The following PSD3 variants were observed in gnomAD, a reference collection of about 807,000 sequenced individuals.
PSD3 encodes the protein PH and SEC7 domain-containing protein 3.
PSD3 carries 49 observed loss-of-function variants against 105.5 expected under a neutral mutation model. That is an observed-to-expected ratio of 0.46 (90% CI 0.37 to 0.59). The LOEUF (loss-of-function observed/expected upper bound fraction) is 0.59, where lower values mean the gene tolerates loss of function less well. PSD3 is among the 20% of genes least tolerant of loss of function. The pLI, the probability that PSD3 is intolerant of heterozygous loss-of-function variation, is 0.00. For synonymous variants in PSD3, 557 were observed against 457.8 expected (o/e 1.22, Z -2.77); for missense variants, 1,561 against 1,263.8 (o/e 1.24, Z -3.57).
chr8:18,608,297 G>C (rs1345571890), intron 11 of PSD3, among the ~76,000 whole-genome samples: 3 of 152,200 alleles, frequency 2.0e-5, no homozygotes, highest in South Asian at 2.1e-4. Flanking sequence ...TCAGATTGAA[G>C]GGACATCCAC....
At chr8:18,622,132 T>C (rs973403365) in intron 11 of PSD3, among the ~76,000 whole-genome samples, 4 of 152,196 alleles carry the variant, frequency 2.6e-5, no homozygotes, top group African/African-American at 9.7e-5. Context: ...CCACACATAG[T>C]TCTCACCTCC....
At chr8:18,743,494 C>T (rs1026111601) in intron 9 of PSD3, among the ~76,000 whole-genome samples, 15 of 152,094 alleles carry the variant, frequency 9.9e-5, no homozygotes, top group Non-Finnish European at 1.8e-4. Flanking sequence ...GACAAACAGT[C>T]GTTCTCCTTG....
At chr8:18,968,879 CAAAA>C (rs10597134) in intron 1 of PSD3, among the ~76,000 whole-genome samples, 2 of 71,722 alleles carry the variant, frequency 2.8e-5, no homozygotes, top group Non-Finnish European at 2.5e-5. Context: ...AAAATGTCTC[CAAAA>C]AAAAAAAAAA....
Position 18,683,934 on chromosome 8 carries a change from T to G in PSD3, c.2173-28249A>C, listed in dbSNP as rs1800515768. The G allele has an allele frequency of 6.6e-6, 5 of 761,704 alleles. No homozygotes were observed. In the African/African-American group the frequency reaches 8.5e-5, roughly 13 times the overall value. The allele number at this position is 761,704 out of a possible 1,614,324, so 47.2% of individuals were successfully genotyped here. On this transcript the variant is annotated intron_variant, in intron 9 of 15. Transcript: ENST00000327040. ...CTGGACACTATTCACGCCAATCATT[T>G]TCGAAGGTCAACTAAGGAAGGGGTT...
chr8:18,722,219 G>A (rs1803030636), intron 9 of PSD3, among the ~76,000 whole-genome samples: 1 of 151,906 alleles, frequency 6.6e-6, no homozygotes, highest in Admixed American at 6.6e-5. Context: ...ATGTCAGTGG[G>A]ACTAAAATGT....
chr8:19,071,869 C>A (rs1482460206), intron 1 of PSD3, among the ~76,000 whole-genome samples: 2 of 151,976 alleles, frequency 1.3e-5, no homozygotes, highest in African/African-American at 4.8e-5. Context: ...GCCACCACAC[C>A]CGGCTAATTT....
intron 4 of PSD3, among the ~76,000 whole-genome samples, chr8:18,851,245 T>A (rs138494584): frequency 2.8e-4 from 43 of 152,288 alleles, no homozygotes; most frequent in African/African-American, 9.6e-4. Flanking sequence ...ACCAAGGAAG[T>A]CTTACCCAAA....
At chr8:18,798,093 C>G (rs1350416359) in intron 8 of PSD3, among the ~76,000 whole-genome samples, 2 of 152,176 alleles carry the variant, frequency 1.3e-5, no homozygotes, top group African/African-American at 2.4e-5. Flanking sequence ...CTTTAACAAG[C>G]TGGATGAACA....
At chr8:18,870,657 T>G (rs1047891329) in intron 3 of PSD3, among the ~76,000 whole-genome samples, 9 of 149,644 alleles carry the variant, frequency 6.0e-5, no homozygotes, top group African/African-American at 2.2e-4. Flanking sequence ...TCTGCACATG[T>G]ACCCCAGAAC....
chr8:19,021,563 A>C (rs1328657177), intron 1 of PSD3, among the ~76,000 whole-genome samples: 5 of 151,920 alleles, frequency 3.3e-5, no homozygotes, highest in African/African-American at 4.8e-5. Flanking sequence ...TGTTACAAAA[A>C]AAAAAAAAAC....
At chr8:18,679,451 C>T (rs566006780) in intron 9 of PSD3, among the ~76,000 whole-genome samples, 2 of 152,294 alleles carry the variant, frequency 1.3e-5, no homozygotes, top group Admixed American at 6.5e-5. Context: ...TCCTTTAACA[C>T]GTTTATGGTT....
At chr8:18,728,571 T>C (rs149543080) in intron 9 of PSD3, among the ~76,000 whole-genome samples, 3 of 152,198 alleles carry the variant, frequency 2.0e-5, no homozygotes, top group East Asian at 3.9e-4. Context: ...TGTTTGGGAA[T>C]TGAAGGAAGT....
At chr8:19,067,757 G>C (rs545349098) in intron 1 of PSD3, among the ~76,000 whole-genome samples, 1 of 152,180 alleles carries the variant, frequency 6.6e-6, no homozygotes, top group African/African-American at 2.4e-5. Context: ...CAGCAGTTGC[G>C]TCTGCATGAC....
chr8:18,842,602 A>C (rs1484956215), intron 4 of PSD3, among the ~76,000 whole-genome samples: 1 of 152,054 alleles, frequency 6.6e-6, no homozygotes, highest in Admixed American at 6.6e-5. Flanking sequence ...GCGTGGTGGG[A>C]GGCACCTGTA....
intron 2 of PSD3, among the ~76,000 whole-genome samples, chr8:18,928,015 G>T (rs755795190): frequency 2.6e-5 from 4 of 152,130 alleles, no homozygotes; most frequent in African/African-American, 2.4e-5. Context: ...CAAAAGAAAT[G>T]AAAACCTACA....
intron 15 of PSD3, among the ~76,000 whole-genome samples, chr8:18,544,171 C>CAAAAAAAAAAAAAAAAAAAAAAAAACA (rs1800310691): frequency 1.9e-5 from 2 of 106,692 alleles, no homozygotes; most frequent in African/African-American, 9.9e-5. Flanking sequence ...AGAAACAAAC[C>CAAAAAAAAAAAAAAAAAAAAAAAAACA]AAAAAAAAAA....
chr8:18,706,285 AAATACACAATGC>A (rs1801893108), intron 9 of PSD3, among the ~76,000 whole-genome samples: 1 of 152,220 alleles, frequency 6.6e-6, no homozygotes, highest in Non-Finnish European at 1.5e-5. Context: ...GCTGTTTAGT[AAATACACAATGC>A]AATATTGTGC....
intron 1 of PSD3, among the ~76,000 whole-genome samples, chr8:18,938,481 G>A (rs1315755614): frequency 6.6e-6 from 1 of 152,112 alleles, no homozygotes; most frequent in Non-Finnish European, 1.5e-5. Context: ...AAATTGGCCA[G>A]GCGTGGAGCC....
chr8:18,913,324 C>T (rs1820370557), intron 2 of PSD3, among the ~76,000 whole-genome samples: 1 of 151,968 alleles, frequency 6.6e-6, no homozygotes, highest in African/African-American at 2.4e-5. Context: ...ATTTTAAATA[C>T]TACTTTGTCA....
Sources: allele counts gnomAD v4.1 joint callset (sites outside exome capture counted in the v4.1 genomes callset), GRCh38; gene constraint gnomAD v4.1.1; transcripts MANE v1.5; gene names NCBI Gene and HGNC (gene_info 2026-07-23, HGNC 2026-07-21).